NOL4: variants seen among roughly 807,000 people sequenced by gnomAD.
NOL4 encodes nucleolar protein 4.
In NOL4, 17 loss-of-function variants were observed where a neutral mutation model predicts 75.9. The observed-to-expected ratio is 0.22, with a 90% CI of 0.15 to 0.34. The LOEUF (loss-of-function observed/expected upper bound fraction) is 0.34. Among genes scored for constraint, NOL4 ranks in the 10% least tolerant of loss-of-function variants. The pLI, the probability that NOL4 is intolerant of heterozygous loss-of-function variation, is 1.00. For synonymous variants in NOL4, 292 were observed against 289.9 expected (o/e 1.01, Z -0.07); for missense variants, 614 against 793.5 (o/e 0.77, Z 2.72).
intron 1 of NOL4, among the ~76,000 whole-genome samples, chr18:34,140,357 G>A (rs1374826656): frequency 6.6e-6 from 1 of 152,130 alleles, no homozygotes; most frequent in African/African-American, 2.4e-5. Flanking sequence ...ATGAATCTGG[G>A]TGCTCCTGTA....
intron 1 of NOL4, among the ~76,000 whole-genome samples, chr18:34,152,381 G>T (rs942353468): frequency 6.6e-6 from 1 of 151,860 alleles, no homozygotes; most frequent in African/African-American, 2.4e-5. Context: ...ACCAGGTGAT[G>T]TGTCTTAGGT....
In NOL4 at chr18:33,958,282, T is replaced by G. The variant is rs757460119; in HGVS notation, c.1193A>C (p.Asn398Thr). The G allele has an allele frequency of 3.1e-6, 5 of 1,613,712 alleles. No individual in the cohort carries two copies. The highest frequency in any genetic ancestry group is 3.3e-4 in the Middle Eastern group (2 of 6,080). Reference sequence around the variant, plus strand: ...CTCGGCTTCAACGCCGTCTGTCTCATTAACTTTCTCCGAATCGTCATGGTC... The same window carrying G: ...CTCGGCTTCAACGCCGTCTGTCTCAGTAACTTTCTCCGAATCGTCATGGTC... ...HEDHDDSEKV[N>T]ETDGVEAERL... Residue 398 changes from asparagine to threonine, a missense_variant, in exon 7 of 11, where the codon AAT (asparagine) becomes ACT (threonine). Asn to Thr is a moderately conservative substitution (Grantham distance 65). This residue lies in a region of NOL4 where 196 missense variants were observed against 167.9 expected (regional missense o/e 1.17). Transcript: ENST00000261592.
intron 2 of NOL4, among the ~76,000 whole-genome samples, chr18:34,112,047 T>C (rs1398171171): frequency 1.3e-5 from 2 of 152,152 alleles, no homozygotes; most frequent in African/African-American, 2.4e-5. Context: ...CTATGTTCAT[T>C]GCAACCTTAT....
intron 1 of NOL4, among the ~76,000 whole-genome samples, chr18:34,186,682 T>C (rs1479971172): frequency 6.6e-6 from 1 of 152,198 alleles, no homozygotes; most frequent in Non-Finnish European, 1.5e-5. Flanking sequence ...CTCTTACCTG[T>C]AATAAAATAT....
At chr18:34,150,885 C>A (rs537862991) in intron 1 of NOL4, among the ~76,000 whole-genome samples, 15 of 151,748 alleles carry the variant, frequency 9.9e-5, no homozygotes, top group African/African-American at 3.4e-4. Context: ...ATACAAATAA[C>A]TCATAAAATT....
chr18:33,890,373 G>C (rs1475919863), intron 9 of NOL4, among the ~76,000 whole-genome samples: 1 of 152,106 alleles, frequency 6.6e-6, no homozygotes, highest in Non-Finnish European at 1.5e-5. Flanking sequence ...CGAAATAAAA[G>C]AGGACACAAA....
chr18:34,037,342 C>T (rs1006919407), intron 5 of NOL4, among the ~76,000 whole-genome samples: 3 of 152,136 alleles, frequency 2.0e-5, no homozygotes, highest in Admixed American at 6.6e-5. Flanking sequence ...GACCATACTA[C>T]CCAAAGCAAT....
intron 9 of NOL4, among the ~76,000 whole-genome samples, chr18:33,912,506 C>A (rs1455398728): frequency 6.6e-6 from 1 of 151,982 alleles, no homozygotes; most frequent in East Asian, 1.9e-4. Flanking sequence ...ATGGTAAACT[C>A]CATCTGAAAA....
At chr18:33,896,645 A>C (rs1406629429) in intron 9 of NOL4, among the ~76,000 whole-genome samples, 1 of 152,216 alleles carries the variant, frequency 6.6e-6, no homozygotes, top group Non-Finnish European at 1.5e-5. Context: ...ATTTAAATGT[A>C]AAACCCAAAA....
chr18:34,220,108 G>T (rs1176711324), intron 1 of NOL4, among the ~76,000 whole-genome samples: 1 of 152,190 alleles, frequency 6.6e-6, no homozygotes. Context: ...TTTCTTTTGG[G>T]AAAATAAGAG....
At chr18:33,902,982 C>A in intron 9 of NOL4, among the ~76,000 whole-genome samples, 1 of 152,002 alleles carries the variant, frequency 6.6e-6, no homozygotes, top group East Asian at 1.9e-4. Context: ...ATATTTTGAG[C>A]CCTTTAACAT....
At chr18:34,215,548 T>G (rs1427596262) in intron 1 of NOL4, among the ~76,000 whole-genome samples, 1 of 152,158 alleles carries the variant, frequency 6.6e-6, no homozygotes, top group Non-Finnish European at 1.5e-5. Context: ...CCATACAAAT[T>G]TCACCTTGTA....
At chr18:34,095,107 C>A (rs1007029322) in intron 4 of NOL4, among the ~76,000 whole-genome samples, 1 of 152,108 alleles carries the variant, frequency 6.6e-6, no homozygotes, top group South Asian at 2.1e-4. Flanking sequence ...TGCTTGGGCA[C>A]ACTGAGTAGC....
chr18:34,010,698 A>G (rs2074321904), intron 6 of NOL4, among the ~76,000 whole-genome samples: 2 of 151,774 alleles, frequency 1.3e-5, no homozygotes, highest in African/African-American at 2.4e-5. Flanking sequence ...TCTTTTCTCC[A>G]TATCCTTGCC....
chr18:34,022,294 CT>C (rs1281049736), intron 5 of NOL4, among the ~76,000 whole-genome samples: 14 of 151,626 alleles, frequency 9.2e-5, no homozygotes, highest in Admixed American at 9.2e-4. Flanking sequence ...TAGTAAATTA[CT>C]TTTTATGTAC....
chr18:34,055,397 A>C (rs2076793885), intron 5 of NOL4, among the ~76,000 whole-genome samples: 1 of 151,940 alleles, frequency 6.6e-6, no homozygotes, highest in African/African-American at 2.4e-5. Flanking sequence ...GGTTGACAGC[A>C]TTTTTTTCTC....
At chr18:34,196,396 CCA>C (rs773100666) in intron 1 of NOL4, among the ~76,000 whole-genome samples, 1 of 152,118 alleles carries the variant, frequency 6.6e-6, no homozygotes, top group Non-Finnish European at 1.5e-5. Context: ...AGACTGATCA[CCA>C]CACACATTCA....
chr18:33,981,341 A>C (rs2071941993), intron 6 of NOL4, among the ~76,000 whole-genome samples: 1 of 151,916 alleles, frequency 6.6e-6, no homozygotes, highest in South Asian at 2.1e-4. Flanking sequence ...AGAAATTCAG[A>C]AAACACCAAA....
intron 9 of NOL4, among the ~76,000 whole-genome samples, chr18:33,908,232 A>T (rs2066180962): frequency 6.6e-6 from 1 of 152,214 alleles, no homozygotes; most frequent in African/African-American, 2.4e-5. Flanking sequence ...ACTTTGAAAA[A>T]TACAATTAAT....
Sources: gnomAD v4.1 joint callset for allele counts (sites outside exome capture counted in the v4.1 genomes callset) on GRCh38, gnomAD v4.1.1 for gene constraint, gnomAD v4.1.1 regional missense constraint, MANE v1.5 for transcripts, NCBI Gene and HGNC (gene_info 2026-07-23, HGNC 2026-07-21) for gene names.